The following MOSPD1 variants were observed in gnomAD, a reference collection of about 807,000 sequenced individuals.
The protein encoded by MOSPD1 is motile sperm domain-containing protein 1.
Under a neutral mutation model 16.7 loss-of-function variants are expected in MOSPD1, and 5 were observed. The observed-to-expected ratio is 0.30, with a 90% CI of 0.16 to 0.63. The LOEUF (loss-of-function observed/expected upper bound fraction) is 0.63. Among genes scored for constraint, MOSPD1 ranks in the 30% least tolerant of loss-of-function variants. The pLI is 0.82. For synonymous variants in MOSPD1, 67 were observed against 59.2 expected, an observed-to-expected ratio of 1.13 and a Z score of -0.61; for missense variants, 104 against 153.6, an observed-to-expected ratio of 0.68 and a Z score of 1.71.
At chrX:134,904,349 TAAC>T (rs1210977947) in intron 1 of MOSPD1, among the ~76,000 whole-genome samples, 1 of 112,140 alleles carries the variant, frequency 8.9e-6, no homozygotes, top group African/African-American at 3.2e-5. Context: ...TGAATTGGCA[TAAC>T]AACTACATGT....
At chrX:134,889,674 G>A (rs1169730458) in intron 5 of MOSPD1, among the ~76,000 whole-genome samples, 1 of 98,617 alleles carries the variant, frequency 1.0e-5, no homozygotes, top group African/African-American at 3.5e-5. Context: ...CCTAAATGAA[G>A]GATGATGAAA....
At chrX:134,889,308 T>G (rs2082850013) in intron 5 of MOSPD1, 116 bp from the exon 6 acceptor site, 1 of 476,782 alleles carries the variant, frequency 2.1e-6, no homozygotes, top group Non-Finnish European at 3.2e-6. Context: ...AGGCAGGCAC[T>G]CTACCAAGAA....
intron 1 of MOSPD1, among the ~76,000 whole-genome samples, chrX:134,908,320 C>T (rs1221541943): frequency 8.9e-6 from 1 of 111,888 alleles, no homozygotes; most frequent in East Asian, 2.8e-4. Context: ...TAGCTGAACA[C>T]ACTTTGTCTA....
intron 3 of MOSPD1, 29 bp downstream of exon 3, chrX:134,899,060 AC>A: frequency 1.9e-6 from 2 of 1,073,877 alleles, no homozygotes; most frequent in Non-Finnish European, 2.6e-6. Context: ...CACACTTAAA[AC>A]GTGTTACCAG....
At chrX:134,909,678 T>TA (rs1441434970) in intron 1 of MOSPD1, among the ~76,000 whole-genome samples, 1 of 112,583 alleles carries the variant, frequency 8.9e-6, no homozygotes, top group Non-Finnish European at 1.9e-5. Flanking sequence ...TTGGGGTTTT[T>TA]AATTGCTGGC....
At chrX:134,912,832 G>A (rs1288078182) in intron 1 of MOSPD1, among the ~76,000 whole-genome samples, 2 of 109,899 alleles carry the variant, frequency 1.8e-5, no homozygotes, top group Non-Finnish European at 3.8e-5. Flanking sequence ...CCAGGTACTG[G>A]GGAGGCTGAG....
intron 1 of MOSPD1, among the ~76,000 whole-genome samples, chrX:134,901,523 G>A (rs2082911380): frequency 9.1e-6 from 1 of 109,998 alleles, no homozygotes; most frequent in Non-Finnish European, 1.9e-5. Flanking sequence ...AGTGGCGGGT[G>A]CCTGTAATCC....
intron 1 of MOSPD1, among the ~76,000 whole-genome samples, chrX:134,906,966 C>T (rs757397088): frequency 1.5e-4 from 17 of 111,685 alleles, no homozygotes; most frequent in Admixed American, 2.9e-4. Flanking sequence ...CGGTGGCTCA[C>T]GCCTGTAATC....
In MOSPD1 at chrX:134,900,335, C is replaced by T. The variant is rs2082905982; in HGVS notation, c.-101-801G>A. 2.7e-5 allele frequency among the ~76,000 whole-genome samples: 3 copies of T among 112,372 alleles called. No homozygotes were observed. In the South Asian group the frequency reaches 1.1e-3, roughly 41 times the overall value. ...AGAATCATTTTTACACTCATGTCAA[C>T]AATACTTTATTTAGTGCCTTCTTGG... On this transcript the variant is annotated intron_variant, in intron 1 of 5. Transcript: ENST00000370783.
At chrX:134,890,756 C>A (rs774076307) in intron 5 of MOSPD1, among the ~76,000 whole-genome samples, 11 of 110,717 alleles carry the variant, frequency 9.9e-5, no homozygotes, top group Non-Finnish European at 1.9e-4. Flanking sequence ...TGCAGCGAGC[C>A]GAGATGGCAA....
chrX:134,903,227 T>A (rs1184945878), intron 1 of MOSPD1, among the ~76,000 whole-genome samples: 2 of 111,180 alleles, frequency 1.8e-5, no homozygotes, highest in Admixed American at 9.6e-5. Flanking sequence ...AGAAAAAAAA[T>A]AATTTATCTT....
chrX:134,891,019 C>T (rs1192066267), intron 5 of MOSPD1, among the ~76,000 whole-genome samples: 1 of 111,135 alleles, frequency 9.0e-6, no homozygotes, highest in Non-Finnish European at 1.9e-5. Flanking sequence ...AGTGAATCAA[C>T]AGGAAATAAG....
chrX:134,914,220 A>C (rs987435310), intron 1 of MOSPD1, among the ~76,000 whole-genome samples: 3 of 112,221 alleles, frequency 2.7e-5, no homozygotes, highest in Admixed American at 9.5e-5. Context: ...CTCAAAGGTC[A>C]ATTTTCACTT....
chrX:134,899,349 C>T lies in MOSPD1; in HGVS notation c.85G>A (p.Asp29Asn). ...VFPTELIFYA[D>N]DQSTHKQVLT... Reference sequence around the variant, plus strand: ...ACTTGCTTATGTGTTGACTGATCATCTGCATAAAATATGAGCTCCGTGGGG... The same window carrying T: ...ACTTGCTTATGTGTTGACTGATCATTTGCATAAAATATGAGCTCCGTGGGG... Residue 29 changes from aspartate (D) to asparagine (N), a missense_variant, in exon 2 of 6, where the codon GAT (aspartate) becomes AAT (asparagine). Physicochemically the swap from Asp to Asn is conservative, Grantham distance 23 (BLOSUM62 1). This residue lies in a region of MOSPD1 where 21 missense variants were observed against 52.6 expected (regional missense o/e 0.40). Transcript: ENST00000370783. 2 of 1,196,697 alleles carry T rather than the reference C, an allele frequency of 1.7e-6. No homozygotes were observed. The highest frequency in any genetic ancestry group is 1.8e-5 in the African/African-American group (1 of 56,353).
At chrX:134,897,546 TAA>T (rs1221758366) in intron 3 of MOSPD1, among the ~76,000 whole-genome samples, 102 of 57,898 alleles carry the variant, frequency 1.8e-3, no homozygotes, top group Middle Eastern at 0.011. Flanking sequence ...TCTGTCTTAT[TAA>T]AAAAAAAAAA....
At chrX:134,897,184 A>G in intron 3 of MOSPD1, 150 bp from the exon 4 acceptor site, 1 of 418,827 alleles carries the variant, frequency 2.4e-6, no homozygotes, top group South Asian at 4.8e-5. Flanking sequence ...AAAAAATCAC[A>G]GTATAACCCA....
rs183739552 is a variant in MOSPD1, at chrX:134,912,800, G to C, written c.-102+2382C>G. 5.3e-4 allele frequency among the ~76,000 whole-genome samples: 58 copies of C among 110,101 alleles called. 4 individuals are homozygous for C. The highest frequency in any genetic ancestry group is 3.8e-3 in the East Asian group (13 of 3,428). On this transcript the variant is annotated intron_variant, in intron 1 of 5. Coordinates refer to ENST00000370783, the MANE Select transcript of MOSPD1 (RefSeq NM_019556.3). ...TAAAAATACAAAAAATTAACTGGGC[G>C]TGGTGGCAGGCGCCTGTAGTCCCAG...
chrX:134,905,387 AGG>A (rs202075828), intron 1 of MOSPD1, among the ~76,000 whole-genome samples: 2 of 106,310 alleles, frequency 1.9e-5, no homozygotes. Context: ...AAAAAAAAAA[AGG>A]GGAGATAAGA....
In MOSPD1 at chrX:134,913,244, G is replaced by A. The variant is rs572269653; in HGVS notation, c.-102+1938C>T. On this transcript the variant is annotated intron_variant, in intron 1 of 5. Coordinates refer to ENST00000370783, the MANE Select transcript of MOSPD1 (RefSeq NM_019556.3). ...ACAAAAAGTAGCTGGGCATGGTGGT[G>A]CACTCCTGTAATCCCAGCTACTCGG... is the stretch of plus-strand genomic sequence containing the variant. Among the ~76,000 whole-genome samples the A allele has an allele frequency of 2.4e-4, 26 of 110,199 alleles. No individual in the cohort carries two copies. The South Asian group carries it at 0.01, about 43-fold the overall frequency.
Sources: gnomAD v4.1 joint callset for allele counts (sites outside exome capture counted in the v4.1 genomes callset) on GRCh38, gnomAD v4.1.1 for gene constraint, gnomAD v4.1.1 regional missense constraint, MANE v1.5 for transcripts, NCBI Gene and HGNC (gene_info 2026-07-23, HGNC 2026-07-21) for gene names.